AGT: variants seen among roughly 807,000 people sequenced by gnomAD.
AGT encodes the protein alpha-1 antiproteinase, antitrypsin.
A neutral mutation model predicts 28.1 loss-of-function variants in AGT; 26 were observed. That is an observed-to-expected ratio of 0.92 (90% CI 0.68 to 1.28). AGT has a LOEUF of 1.28. Among genes scored for constraint, AGT ranks in the 50% most tolerant of loss-of-function variants. AGT has a pLI of 0.00. For synonymous variants in AGT, 259 were observed against 259.6 expected (o/e 1.00, Z 0.02); for missense variants, 596 against 592.3 (o/e 1.01, Z -0.06).
intron 1 of AGT, among the ~76,000 whole-genome samples, chr1:230,738,663 G>A (rs536051937): frequency 1.3e-5 from 2 of 152,210 alleles, no homozygotes; most frequent in South Asian, 2.1e-4. Flanking sequence ...AAAGGGGGAG[G>A]ATACGTCATT....
At chr1:230,725,141 A>T (rs1571984027) in intron 1 of AGT, among the ~76,000 whole-genome samples, 1 of 152,250 alleles carries the variant, frequency 6.6e-6, no homozygotes, top group African/African-American at 2.4e-5. Context: ...ACTACACTAC[A>T]TAAAAATTGA....
chr1:230,719,570 G>A (rs1663806643), intron 1 of AGT, among the ~76,000 whole-genome samples: 1 of 151,968 alleles, frequency 6.6e-6, no homozygotes, highest in African/African-American at 2.4e-5. Flanking sequence ...ACCATGCCCA[G>A]CTAATTTTTT....
intron 1 of AGT, among the ~76,000 whole-genome samples, chr1:230,743,506 C>A (rs1209404587): frequency 6.6e-6 from 1 of 152,222 alleles, no homozygotes; most frequent in Non-Finnish European, 1.5e-5. Flanking sequence ...AGCCTCAGCC[C>A]CTCTCACCTG....
intron 1 of AGT, among the ~76,000 whole-genome samples, chr1:230,736,544 T>C (rs1439179292): frequency 2.0e-5 from 3 of 152,092 alleles, no homozygotes; most frequent in Admixed American, 6.6e-5. Flanking sequence ...TTTCGAACAC[T>C]TTTGTTTCCG....
At chr1:230,743,217 C>T (rs1413810618) in intron 1 of AGT, among the ~76,000 whole-genome samples, 3 of 152,132 alleles carry the variant, frequency 2.0e-5, no homozygotes, top group Non-Finnish European at 4.4e-5. Context: ...TCTTGAACTC[C>T]TGACTTCAGG....
chr1:230,719,144 A>G (rs967195713), upstream of AGT, among the ~76,000 whole-genome samples: 1 of 152,190 alleles, frequency 6.6e-6, no homozygotes, highest in Non-Finnish European at 1.5e-5. Flanking sequence ...TATTGTGAAT[A>G]ATGCTGCATT....
chr1:230,731,547 G>A (rs1190711701), intron 1 of AGT, among the ~76,000 whole-genome samples: 1 of 152,148 alleles, frequency 6.6e-6, no homozygotes, highest in African/African-American at 2.4e-5. Flanking sequence ...CCTTCCAGCT[G>A]TGCTGACTTC....
At chr1:230,708,557 A>G (rs1476023012) in intron 2 of AGT, among the ~76,000 whole-genome samples, 1 of 152,042 alleles carries the variant, frequency 6.6e-6, no homozygotes, top group Non-Finnish European at 1.5e-5. Flanking sequence ...GACCTCAAGG[A>G]GGTTGTTGTG....
intron 2 of AGT, among the ~76,000 whole-genome samples, chr1:230,709,692 G>T (rs1414132535): frequency 1.3e-5 from 2 of 152,138 alleles, no homozygotes; most frequent in African/African-American, 2.4e-5. Context: ...TTGTTTCTCC[G>T]AGTCTCTATT....
chr1:230,714,815 T>C (rs185813069), upstream of AGT, among the ~76,000 whole-genome samples: 53 of 152,296 alleles, frequency 3.5e-4, no homozygotes, highest in Admixed American at 3.4e-3. Flanking sequence ...GCTGTACAAA[T>C]TGCAAATGGT....
At chr1:230,742,835 C>A (rs1361592794) in intron 1 of AGT, among the ~76,000 whole-genome samples, 1 of 152,198 alleles carries the variant, frequency 6.6e-6, no homozygotes, top group African/African-American at 2.4e-5. Context: ...ATACCTTTCA[C>A]TTTTCGGGGT....
In AGT at chr1:230,710,472, C is replaced by T. The variant is rs369425934; in HGVS notation, c.352G>A (p.Val118Met). The T allele has an allele frequency of 6.3e-5, 102 of 1,614,096 alleles. No homozygotes were observed. Among genetic ancestry groups the T allele is most frequent in the Non-Finnish European group, 8.1e-5 (96 of 1,180,050 alleles). ...GAGAGGACGGTGGCCCCATGGACCA[C>T]GCCCCATAGCTCACTGTGCATGCCA... Reference protein sequence around the residue: ...IYGMHSELWGVVHGATVLSPT... With the variant: ...IYGMHSELWGMVHGATVLSPT... Residue 118 changes from valine (V) to methionine (M), a missense_variant, in exon 2 of 5, where the codon GTG becomes ATG. Val to Met is a conservative substitution (Grantham distance 21). Transcript: ENST00000366667.
intron 1 of AGT, among the ~76,000 whole-genome samples, chr1:230,738,754 T>C (rs781406691): frequency 5.9e-5 from 9 of 152,090 alleles, no homozygotes; most frequent in Non-Finnish European, 1.3e-4. Flanking sequence ...ATGCTGAAAA[T>C]AAACCTTTAC....
At chr1:230,730,131 G>A (rs903805210) in intron 1 of AGT, among the ~76,000 whole-genome samples, 1 of 152,040 alleles carries the variant, frequency 6.6e-6, no homozygotes. Context: ...TTGTTGGCCA[G>A]GCTGTTCTCA....
At chr1:230,703,361 A>C in intron 4 of AGT, 32 bp from the exon 5 acceptor site, 1 of 1,613,648 alleles carries the variant, frequency 6.2e-7, no homozygotes, top group Non-Finnish European at 8.5e-7. Context: ...GATCATTCTG[A>C]GGGCGCACTG....
chr1:230,721,369 T>G (rs1201420575), intron 1 of AGT, among the ~76,000 whole-genome samples: 3 of 152,236 alleles, frequency 2.0e-5, no homozygotes, highest in African/African-American at 7.2e-5. Context: ...GGTTTTTGCT[T>G]GGCATATAGA....
chr1:230,715,943 T>C (rs1558290237), upstream of AGT, among the ~76,000 whole-genome samples: 2 of 152,176 alleles, frequency 1.3e-5, no homozygotes, highest in East Asian at 3.9e-4. Flanking sequence ...TCAGGTAACA[T>C]GCTGGAAAGT....
intron 1 of AGT, among the ~76,000 whole-genome samples, chr1:230,737,195 G>C (rs886324763): frequency 6.6e-6 from 1 of 152,060 alleles, no homozygotes; most frequent in Non-Finnish European, 1.5e-5. Flanking sequence ...TCTCTGCCTA[G>C]TTTATACTGA....
intron 3 of AGT, 139 bp downstream of exon 3, chr1:230,705,794 T>C: frequency 9.1e-7 from 1 of 1,095,592 alleles, no homozygotes; most frequent in South Asian, 1.4e-5. Context: ...ACAGGCCGCC[T>C]GCCCAGCCCC....
Sources: gnomAD v4.1 joint callset for allele counts (sites outside exome capture counted in the v4.1 genomes callset) on GRCh38, gnomAD v4.1.1 for gene constraint, MANE v1.5 for transcripts, NCBI Gene and HGNC (gene_info 2026-07-23, HGNC 2026-07-21) for gene names.